The following TMEM132C variants were observed in gnomAD, a reference collection of about 807,000 sequenced individuals.
TMEM132C encodes protein phosphatase 1, regulatory subunit 152.
TMEM132C carries 29 observed loss-of-function variants against 61.4 expected under a neutral mutation model. That is an observed-to-expected ratio of 0.47 (90% confidence interval 0.35 to 0.64). The LOEUF is 0.64. Ranked by LOEUF, TMEM132C falls within the 30% of genes least tolerant of loss-of-function variation. TMEM132C has a pLI of 0.00. For missense variants in TMEM132C, 1,408 were observed against 1,476.9 expected, an observed-to-expected ratio of 0.95 and a Z score of 0.76; for synonymous variants, 656 against 633.1, an observed-to-expected ratio of 1.04 and a Z score of -0.54.
intron 2 of TMEM132C, among the ~76,000 whole-genome samples, chr12:128,482,625 G>A (rs757841935): frequency 1.8e-4 from 27 of 152,024 alleles, no homozygotes; most frequent in Admixed American, 5.9e-4. Flanking sequence ...TTGGTTGGTA[G>A]GCTATTAATT....
In TMEM132C at chr12:128,415,203, G is replaced by A. The variant is rs146999091; in HGVS notation, c.557G>A (p.Arg186Gln). The A allele has an allele frequency of 3.9e-3, 6,235 of 1,610,376 alleles. 179 individuals carry two copies. The Admixed American group carries it at 0.063, about 16-fold the overall frequency. ...RETREVRGSC[R>Q]LKGDLGLCVA... ...ACCAGAGAGGTGCGGGGCAGCTGCC[G>A]GCTGAAGGGGGACCTGGGGCTGTGT... Residue 186 changes from arginine to glutamine, a missense_variant, in exon 2 of 9, where the codon CGG (arginine) becomes CAG (glutamine). Arg to Gln is a conservative substitution (Grantham distance 43). Transcript: ENST00000435159. This position sits in a 1 kb window ranked among gnomAD's most constrained non-coding sequence, Gnocchi z 5.8.
intron 1 of TMEM132C, among the ~76,000 whole-genome samples, chr12:128,378,126 T>G (rs1240923830): frequency 6.6e-6 from 1 of 151,840 alleles, no homozygotes; most frequent in Non-Finnish European, 1.5e-5. Context: ...TTTGTTTTTT[T>G]TTTTTTGACA....
chr12:128,539,636 T>C (rs11059752), intron 2 of TMEM132C, among the ~76,000 whole-genome samples: 81,326 of 151,914 alleles, frequency 0.54, 22,599 homozygotes, highest in Middle Eastern at 0.61. Flanking sequence ...AATGAACATG[T>C]GTGTGTGGAA....
intron 2 of TMEM132C, among the ~76,000 whole-genome samples, chr12:128,469,528 G>A (rs986476992): frequency 4.6e-5 from 7 of 151,800 alleles, no homozygotes; most frequent in African/African-American, 1.7e-4. Context: ...TGTTGCCCAG[G>A]CTGATCTCAA....
rs576175982 is a variant in TMEM132C, at chr12:128,388,225, G to A, written c.86-26507G>A. Among the ~76,000 whole-genome samples the A allele has an allele frequency of 9.8e-5, 15 of 152,342 alleles. No individual in the cohort carries two copies. The South Asian group carries it at 3.1e-3, about 32-fold the overall frequency. On this transcript the variant is annotated intron_variant, in intron 1 of 8. Coordinates refer to ENST00000435159, the MANE Select transcript of TMEM132C (RefSeq NM_001136103.3). ...AACCCAGAGAATACAGGGCCAGGCA[G>A]GGCTGGAATGCCAGGGCGGCCAGGT... is the stretch of plus-strand genomic sequence containing the variant.
intron 3 of TMEM132C, among the ~76,000 whole-genome samples, chr12:128,596,855 G>A (rs1394832946): frequency 1.3e-5 from 2 of 152,210 alleles, no homozygotes; most frequent in African/African-American, 2.4e-5. Flanking sequence ...TATTAATTTT[G>A]TCAAGTGCTT....
intron 2 of TMEM132C, among the ~76,000 whole-genome samples, chr12:128,447,342 G>C (rs1157982638): frequency 3.3e-5 from 5 of 152,150 alleles, no homozygotes; most frequent in African/African-American, 1.2e-4. Flanking sequence ...TTATCAAGAC[G>C]TTATACAACA....
chr12:128,286,893 TGA>T (rs764593949), intron 1 of TMEM132C, among the ~76,000 whole-genome samples: 28 of 151,872 alleles, frequency 1.8e-4, no homozygotes, highest in Non-Finnish European at 3.4e-4. Flanking sequence ...CTGGAAAACT[TGA>T]GAGAGAGGGG....
At chr12:128,553,635 A>G (rs557818588) in intron 3 of TMEM132C, among the ~76,000 whole-genome samples, 1 of 152,218 alleles carries the variant, frequency 6.6e-6, no homozygotes. Flanking sequence ...TCAGCGTTTT[A>G]GTATAAATAA....
Position 128,629,564 on chromosome 12 carries a change from G to A in TMEM132C, c.1305+13229G>A, listed in dbSNP as rs540578350. ...AAAGAGCAGAATGGTGGCTGCCTGC[G>A]GTTGGGGAAGGGGAGATGGGGAGTT... On this transcript the variant is annotated intron_variant, in intron 4 of 8. Transcript: ENST00000435159. 5.3e-5 allele frequency among the ~76,000 whole-genome samples: 8 copies of A among 152,332 alleles called. No individual in the cohort carries two copies. In the South Asian group the frequency reaches 6.2e-4, roughly 12 times the overall value.
chr12:128,433,169 C>T (rs1346102322), intron 2 of TMEM132C, among the ~76,000 whole-genome samples: 2 of 152,060 alleles, frequency 1.3e-5, no homozygotes, highest in African/African-American at 4.8e-5. Context: ...TAAGGATAAA[C>T]ATAGCTTTTA....
At chr12:128,460,790 TACTC>T (rs1324488689) in intron 2 of TMEM132C, among the ~76,000 whole-genome samples, 2 of 152,190 alleles carry the variant, frequency 1.3e-5, no homozygotes, top group African/African-American at 4.8e-5. Context: ...ACTCTTGGCA[TACTC>T]AATCATCAGT....
rs939496586 is a variant in TMEM132C, at chr12:128,267,327, G to A, written c.-76G>A. 2.5e-5 allele frequency: 23 copies of A among 932,166 alleles called. No homozygotes were observed. The African/African-American group carries it at 3.6e-4, about 15-fold the overall frequency. The allele number at this position is 932,166 out of a possible 1,614,324, so 57.7% of individuals were successfully genotyped here. On this transcript the variant is annotated 5_prime_UTR_variant, in exon 1 of 9. Coordinates refer to ENST00000435159, the MANE Select transcript of TMEM132C (RefSeq NM_001136103.3). The stretch of plus-strand genomic sequence containing the variant: ...GGCTGCGGGAGTGGCCCCGGGCATG[G>A]GGCGGCCGGCGGGGGCCGCGGGCGG...
intron 3 of TMEM132C, among the ~76,000 whole-genome samples, chr12:128,588,914 G>T (rs1048208584): frequency 6.6e-6 from 1 of 152,192 alleles, no homozygotes; most frequent in African/African-American, 2.4e-5. Flanking sequence ...AGAAGAGAAA[G>T]TCAGGGACTG....
At chr12:128,316,848 C>T (rs1227612994) in intron 1 of TMEM132C, among the ~76,000 whole-genome samples, 1 of 152,080 alleles carries the variant, frequency 6.6e-6, no homozygotes, top group Non-Finnish European at 1.5e-5. Flanking sequence ...TTCCTGGGGC[C>T]ATCTGTGACT....
intron 3 of TMEM132C, among the ~76,000 whole-genome samples, chr12:128,583,069 C>G (rs1251899141): frequency 4.6e-5 from 7 of 152,168 alleles, no homozygotes; most frequent in Admixed American, 1.3e-4. Flanking sequence ...AGGTTTTACT[C>G]ACTGCAGTAT....
rs1555220363 is a variant in TMEM132C, at chr12:128,360,280, A to ACC, written c.86-54449_86-54448dup. Among the ~76,000 whole-genome samples the ACC allele has an allele frequency of 1.9e-3, 272 of 146,438 alleles. 1 individual carries two copies. The highest frequency in any genetic ancestry group is 1.2e-3 in the African/African-American group (48 of 39,668). On this transcript the variant is annotated intron_variant, in intron 1 of 8. Coordinates refer to ENST00000435159, the MANE Select transcript of TMEM132C (RefSeq NM_001136103.3). ...CACACACACACACACACACACACACACCCCAGGATAACAGAGAGAGAACAA... is the reference window on the plus strand; with the variant it reads ...CACACACACACACACACACACACACACCCCCCAGGATAACAGAGAGAGAACAA...
intron 2 of TMEM132C, among the ~76,000 whole-genome samples, chr12:128,495,940 C>A (rs527769040): frequency 6.6e-6 from 1 of 152,310 alleles, no homozygotes; most frequent in South Asian, 2.1e-4. Context: ...ATGGTCTTTA[C>A]AACTTGGCAT....
chr12:128,371,897 A>T (rs2135982076), intron 1 of TMEM132C, among the ~76,000 whole-genome samples: 1 of 152,302 alleles, frequency 6.6e-6, no homozygotes, highest in Non-Finnish European at 1.5e-5. Context: ...TCATGTAAAC[A>T]ACTTTATTGA....
Sources: allele counts gnomAD v4.1 joint callset (sites outside exome capture counted in the v4.1 genomes callset), GRCh38; gene constraint gnomAD v4.1.1; non-coding constraint Gnocchi (gnomAD v3.1); transcripts MANE v1.5; gene names NCBI Gene and HGNC (gene_info 2026-07-23, HGNC 2026-07-21).